COL5A2: variants seen among roughly 807,000 people sequenced by gnomAD.
The protein encoded by COL5A2 is collagen alpha-2(V) chain.
Under a neutral mutation model 208.2 loss-of-function variants are expected in COL5A2, and 23 were observed. The observed-to-expected ratio is 0.11, with a 90% CI of 0.08 to 0.16. The LOEUF (loss-of-function observed/expected upper bound fraction) is 0.16. Ranked by LOEUF, COL5A2 falls within the 10% of genes least tolerant of loss-of-function variation. COL5A2 has a pLI of 1.00. For synonymous variants in COL5A2, 625 were observed against 628.5 expected (o/e 0.99, Z 0.08); for missense variants, 1,590 against 1,956.4 (o/e 0.81, Z 3.53).
chr2:189,266,776 G>A, the COL5A2 span, among the ~76,000 whole-genome samples: 1 of 152,030 alleles, frequency 6.6e-6, no homozygotes, highest in Admixed American at 6.6e-5. Context: ...TGGTATATGA[G>A]TTATACCTCA....
intron 1 of COL5A2, among the ~76,000 whole-genome samples, chr2:189,143,653 C>T (rs1343683289): frequency 6.6e-6 from 1 of 152,168 alleles, no homozygotes; most frequent in Non-Finnish European, 1.5e-5. Context: ...AACTCATACT[C>T]TGATTAGGGA....
At position 189,052,938 on chromosome 2, in the gene COL5A2, T is replaced by C. The variant is rs370304175; in HGVS notation, c.2634A>G (p.Gln878=). The C allele has an allele frequency of 5.2e-5, 84 of 1,614,052 alleles. No individual in the cohort carries two copies. The highest frequency in any genetic ancestry group is 1.5e-4 in the African/African-American group (11 of 74,940). ...GAGGGCCAGGGGATCCTGCTAAACCTTGTGGTCCAGGAGAACCAGCATCTC... is the reference window on the plus strand; with the variant it reads ...GAGGGCCAGGGGATCCTGCTAAACCCTGTGGTCCAGGAGAACCAGCATCTC... ...QKGDAGSPGP[Q]GLAGSPGPHG... is the part of the protein sequence containing the mutation. Residue 878 remains glutamine (Q), a synonymous_variant, in exon 39 of 54, where the codon CAA becomes CAG. Coordinates refer to ENST00000374866, the MANE Select transcript of COL5A2 (RefSeq NM_000393.5).
At chr2:189,346,420 T>C in the COL5A2 span, among the ~76,000 whole-genome samples, 2 of 152,178 alleles carry the variant, frequency 1.3e-5, no homozygotes, top group African/African-American at 4.8e-5. Flanking sequence ...TTTGCTTTGG[T>C]GACATTTGGA....
chr2:189,415,822 G>C, the COL5A2 span, among the ~76,000 whole-genome samples: 1 of 152,042 alleles, frequency 6.6e-6, no homozygotes, highest in African/African-American at 2.4e-5. Flanking sequence ...ACCACACCCA[G>C]CTAATTTTTT....
chr2:189,046,216 T>C (rs1015773833), intron 45 of COL5A2, among the ~76,000 whole-genome samples: 19 of 152,142 alleles, frequency 1.2e-4, no homozygotes, highest in African/African-American at 3.1e-4. Context: ...AGAGCACCAA[T>C]CTTTAAGCTG....
intron 1 of COL5A2, among the ~76,000 whole-genome samples, chr2:189,207,544 A>G (rs753644397): frequency 6.6e-6 from 1 of 152,232 alleles, no homozygotes; most frequent in African/African-American, 2.4e-5. Context: ...GCAAAGATCA[A>G]TAACCTGCCT....
chr2:189,407,515 T>G, the COL5A2 span, among the ~76,000 whole-genome samples: 1 of 152,186 alleles, frequency 6.6e-6, no homozygotes, highest in Non-Finnish European at 1.5e-5. Context: ...ATTATTTGGC[T>G]TTGTTTTAAT....
chr2:189,230,836 C>T, the COL5A2 span, among the ~76,000 whole-genome samples: 2 of 151,882 alleles, frequency 1.3e-5, no homozygotes, highest in Non-Finnish European at 2.9e-5. Flanking sequence ...CAGTTCACTT[C>T]TGGATATTTA....
chr2:189,160,791 C>A (rs2105801946), intron 1 of COL5A2, among the ~76,000 whole-genome samples: 1 of 148,090 alleles, frequency 6.8e-6, no homozygotes, highest in South Asian at 2.1e-4. Context: ...CTGAGAATTT[C>A]TTCATGTACT....
intron 51 of COL5A2, among the ~76,000 whole-genome samples, chr2:189,037,269 AGATCTT>A (rs1685463299): frequency 6.6e-6 from 1 of 152,226 alleles, no homozygotes; most frequent in African/African-American, 2.4e-5. Context: ...TCATTTCATT[AGATCTT>A]TTTAAAATTA....
At chr2:189,439,939 A>G in the COL5A2 span, among the ~76,000 whole-genome samples, 1 of 152,254 alleles carries the variant, frequency 6.6e-6, no homozygotes, top group African/African-American at 2.4e-5. Flanking sequence ...TATTGTGCAT[A>G]CATCAAGAGA....
At position 189,218,956 on chromosome 2, in the gene COL5A2, G is replaced by A. The variant is rs149211574; in HGVS notation, c.-42+6192C>T. Among the ~76,000 whole-genome samples the A allele has an allele frequency of 1.2e-4, 18 of 152,200 alleles. 1 individual carries two copies. The East Asian group carries it at 1.7e-3, about 15-fold the overall frequency. On this transcript the variant is annotated intron_variant, in intron 1 of 10. Transcript: ENST00000649966. ...TAAAAACCGGAAGTTACTTCAGTGC[G>A]CAGAAATGCTTGTTTTATGCATTTT...
intron 1 of COL5A2, among the ~76,000 whole-genome samples, chr2:189,161,377 G>A (rs1014147317): frequency 6.6e-6 from 1 of 151,870 alleles, no homozygotes; most frequent in African/African-American, 2.4e-5. Context: ...TCATCTTTGT[G>A]TCCCTATACT....
the COL5A2 span, among the ~76,000 whole-genome samples, chr2:189,268,851 A>G: frequency 2.0e-5 from 3 of 152,170 alleles, no homozygotes; most frequent in Non-Finnish European, 2.9e-5. Flanking sequence ...ACAATTTTAC[A>G]TAAATCAGAT....
chr2:189,070,536 T>C (rs1166138896), intron 18 of COL5A2, among the ~76,000 whole-genome samples: 2 of 152,144 alleles, frequency 1.3e-5, no homozygotes, highest in East Asian at 3.9e-4. Context: ...TATTGAGCAG[T>C]TTTCAGTAGC....
chr2:189,381,244 T>C, the COL5A2 span, among the ~76,000 whole-genome samples: 1 of 152,084 alleles, frequency 6.6e-6, no homozygotes, highest in African/African-American at 2.4e-5. Context: ...CTTTTTTAAA[T>C]GCAGAAAGCT....
At chr2:189,433,900 T>C in the COL5A2 span, among the ~76,000 whole-genome samples, 61 of 152,326 alleles carry the variant, frequency 4.0e-4, no homozygotes, top group Non-Finnish European at 7.9e-4. Flanking sequence ...TTTAGACTAA[T>C]ATCCCTGATG....
chr2:189,068,352 T>C (rs1686199656), intron 19 of COL5A2, 82 bp from the exon 20 acceptor site: 1 of 1,222,926 alleles, frequency 8.2e-7, no homozygotes, highest in Non-Finnish European at 1.2e-6. Flanking sequence ...TGTCCAGCCA[T>C]CTTCAAAAAG....
At position 189,167,433 on chromosome 2, in the gene COL5A2, T is replaced by A. The variant is rs115080642; in HGVS notation, c.97+12075A>T. On this transcript the variant is annotated intron_variant, in intron 1 of 53. Coordinates refer to ENST00000374866, the MANE Select transcript of COL5A2 (RefSeq NM_000393.5). Reference sequence around the variant, plus strand: ...AACAGAATACACTCCCCCACTCCATTTTTTAAAACAAACAAACAAAAATGA... The same window carrying A: ...AACAGAATACACTCCCCCACTCCATATTTTAAAACAAACAAACAAAAATGA... 7.6e-3 allele frequency among the ~76,000 whole-genome samples: 1,161 copies of A among 152,266 alleles called. 11 individuals are homozygous for A. Among genetic ancestry groups the A allele is most frequent in the African/African-American group, 0.026 (1,074 of 41,558 alleles).
Sources: gnomAD v4.1 joint callset for allele counts (sites outside exome capture counted in the v4.1 genomes callset) on GRCh38, gnomAD v4.1.1 for gene constraint, MANE v1.5 for transcripts, NCBI Gene and HGNC (gene_info 2026-07-23, HGNC 2026-07-21) for gene names.